Variants in SPOCK3 observed in about 807,000 individuals in gnomAD.
SPOCK3 encodes SPARC (osteonectin), cwcv and kazal like domains proteoglycan 3, also known as testican-3.
In SPOCK3, 30 loss-of-function variants were observed where a neutral mutation model predicts 56.6. The ratio of observed to expected loss-of-function variants is 0.53; its 90% confidence interval spans 0.40 to 0.72. The LOEUF (loss-of-function observed/expected upper bound fraction) is 0.72. Among genes scored for constraint, SPOCK3 ranks in the 30% least tolerant of loss-of-function variants. The pLI, the probability that SPOCK3 is intolerant of heterozygous loss-of-function variation, is 0.00. For synonymous variants in SPOCK3, 196 were observed against 183.3 expected (o/e 1.07, Z -0.56); for missense variants, 527 against 530.0 (o/e 0.99, Z 0.06).
chr4:167,228,332 C>T (rs1238684889), intron 2 of SPOCK3, among the ~76,000 whole-genome samples: 2 of 152,090 alleles, frequency 1.3e-5, no homozygotes, highest in African/African-American at 4.8e-5. Context: ...CTTACTTACA[C>T]TTTTACACTT....
At chr4:167,054,143 T>C (rs1580137266) in intron 3 of SPOCK3, among the ~76,000 whole-genome samples, 1 of 152,094 alleles carries the variant, frequency 6.6e-6, no homozygotes, top group East Asian at 1.9e-4. Context: ...AAAATAACAC[T>C]TAAATAAAAG....
At chr4:166,976,399 T>C (rs1231149058) in intron 4 of SPOCK3, among the ~76,000 whole-genome samples, 1 of 152,160 alleles carries the variant, frequency 6.6e-6, no homozygotes, top group Admixed American at 6.5e-5. Flanking sequence ...TGCTTGCCTA[T>C]TGCAACCCAA....
intron 2 of SPOCK3, among the ~76,000 whole-genome samples, chr4:167,124,743 C>T (rs576293265): frequency 2.6e-5 from 4 of 152,226 alleles, no homozygotes; most frequent in South Asian, 4.1e-4. Flanking sequence ...GATAGAAGCC[C>T]TCAATTGTCT....
intron 2 of SPOCK3, among the ~76,000 whole-genome samples, chr4:167,176,576 A>G (rs1731001809): frequency 6.6e-6 from 1 of 152,104 alleles, no homozygotes; most frequent in African/African-American, 2.4e-5. Context: ...CACAGTATGT[A>G]TATTAAACTA....
chr4:166,743,018 G>A lies in SPOCK3; in HGVS notation c.932-959C>T, dbSNP rs7662413. On this transcript the variant is annotated intron_variant, in intron 8 of 10. Transcript: ENST00000357545. ...TCAATATTTTGCCATTTTATAGAAGGCATTTGAGTGACTTGATTTTGGTGT... is the reference window on the plus strand; with the variant it reads ...TCAATATTTTGCCATTTTATAGAAGACATTTGAGTGACTTGATTTTGGTGT... Among the ~76,000 whole-genome samples the A allele has an allele frequency of 3.3e-3, 499 of 152,120 alleles. 3 individuals are homozygous for A. Among genetic ancestry groups the A allele is most frequent in the African/African-American group, 0.011 (456 of 41,514 alleles).
intron 3 of SPOCK3, among the ~76,000 whole-genome samples, chr4:167,030,516 A>C (rs1467338950): frequency 6.6e-6 from 1 of 152,082 alleles, no homozygotes; most frequent in Admixed American, 6.6e-5. Flanking sequence ...TATTAATTAA[A>C]GGCAAGAAAA....
chr4:166,859,095 C>T (rs1441347434), intron 6 of SPOCK3, among the ~76,000 whole-genome samples: 2 of 152,206 alleles, frequency 1.3e-5, no homozygotes, highest in African/African-American at 2.4e-5. Flanking sequence ...TTACAATTGT[C>T]TACAGTATTC....
intron 2 of SPOCK3, among the ~76,000 whole-genome samples, chr4:167,101,926 T>A (rs908301142): frequency 1.2e-4 from 18 of 151,972 alleles, no homozygotes; most frequent in African/African-American, 4.3e-4. Context: ...TTTCACCATG[T>A]TGACCTCGTG....
At chr4:166,831,464 T>C (rs62353206) in intron 6 of SPOCK3, among the ~76,000 whole-genome samples, 5,377 of 152,244 alleles carry the variant, frequency 0.035, 103 homozygotes, top group African/African-American at 0.054. Flanking sequence ...TATTAAACTA[T>C]ATAGGATAAA....
intron 6 of SPOCK3, among the ~76,000 whole-genome samples, chr4:166,875,233 A>T (rs2126960087): frequency 6.6e-6 from 1 of 152,280 alleles, no homozygotes; most frequent in Admixed American, 6.5e-5. Context: ...TTATTAAAAT[A>T]TTTACTTCTA....
intron 7 of SPOCK3, among the ~76,000 whole-genome samples, chr4:166,763,838 C>A (rs1364546738): frequency 2.6e-5 from 4 of 151,920 alleles, no homozygotes; most frequent in African/African-American, 9.7e-5. Context: ...AATAGATGAC[C>A]ACGAAATTTA....
At chr4:166,788,203 C>CA (rs748069764) in intron 7 of SPOCK3, among the ~76,000 whole-genome samples, 5 of 151,704 alleles carry the variant, frequency 3.3e-5, no homozygotes, top group East Asian at 1.9e-4. Flanking sequence ...AACAAACAAA[C>CA]AAAAAAACCC....
At chr4:166,999,144 G>C (rs1199877372) in intron 4 of SPOCK3, among the ~76,000 whole-genome samples, 3 of 152,070 alleles carry the variant, frequency 2.0e-5, no homozygotes, top group Non-Finnish European at 4.4e-5. Flanking sequence ...TCACCAAACT[G>C]TTGTTTTCTT....
chr4:166,892,985 C>T (rs1052251911), intron 5 of SPOCK3, among the ~76,000 whole-genome samples: 1 of 152,028 alleles, frequency 6.6e-6, no homozygotes, highest in African/African-American at 2.4e-5. Context: ...TGGCTTAAAG[C>T]AGAGGTTTTC....
intron 6 of SPOCK3, among the ~76,000 whole-genome samples, chr4:166,812,237 A>G (rs1443497404): frequency 6.6e-6 from 1 of 151,962 alleles, no homozygotes; most frequent in Non-Finnish European, 1.5e-5. Context: ...TATTTATTCC[A>G]TAATGATGAT....
intron 2 of SPOCK3, among the ~76,000 whole-genome samples, chr4:167,197,317 A>C (rs1165442122): frequency 3.3e-5 from 5 of 152,222 alleles, no homozygotes; most frequent in Non-Finnish European, 1.5e-5. Context: ...ATATAGATTA[A>C]GGAGTACCTT....
intron 7 of SPOCK3, among the ~76,000 whole-genome samples, chr4:166,768,978 T>C (rs147907757): frequency 0.023 from 3,429 of 152,350 alleles, 156 homozygotes; most frequent in African/African-American, 0.077. Flanking sequence ...GTTGATCAAA[T>C]CAGCTACTGA....
chr4:167,077,522 T>C (rs1328602607), intron 2 of SPOCK3, among the ~76,000 whole-genome samples: 6 of 151,930 alleles, frequency 3.9e-5, no homozygotes, highest in African/African-American at 1.2e-4. Context: ...AATCTCTATA[T>C]TACATGTGTT....
intron 2 of SPOCK3, among the ~76,000 whole-genome samples, chr4:167,089,251 C>T (rs533837944): frequency 1.3e-5 from 2 of 152,044 alleles, no homozygotes; most frequent in South Asian, 4.2e-4. Context: ...ACAAAAACTA[C>T]AAGAAAATAC....
Sources: allele counts gnomAD v4.1 joint callset (sites outside exome capture counted in the v4.1 genomes callset), GRCh38; gene constraint gnomAD v4.1.1; transcripts MANE v1.5; gene names NCBI Gene and HGNC (gene_info 2026-07-23, HGNC 2026-07-21).